The following ULK4 variants were observed in gnomAD, a reference collection of about 807,000 sequenced individuals.
ULK4 encodes inactive serine/threonine-protein kinase ULK4.
A neutral mutation model predicts 160.6 loss-of-function variants in ULK4; 133 were observed. The ratio of observed to expected loss-of-function variants is 0.83; its 90% CI spans 0.72 to 0.96. The LOEUF is 0.96. ULK4 is among the 40% of genes least tolerant of loss of function. The pLI is 0.00. For synonymous variants in ULK4, 534 were observed against 539.8 expected, an observed-to-expected ratio of 0.99 and a Z score of 0.15; for missense variants, 1,580 against 1,499.5, an observed-to-expected ratio of 1.05 and a Z score of -0.89.
chr3:41,823,594 A>C (rs2125634904), intron 18 of ULK4, among the ~76,000 whole-genome samples: 1 of 152,302 alleles, frequency 6.6e-6, no homozygotes, highest in South Asian at 2.1e-4. Context: ...TTAGGGTGTT[A>C]CTAGAGAGCC....
At chr3:41,923,911 T>C (rs1699287537) in intron 5 of ULK4, among the ~76,000 whole-genome samples, 1 of 152,132 alleles carries the variant, frequency 6.6e-6, no homozygotes, top group African/African-American at 2.4e-5. Flanking sequence ...CTAGGCCACA[T>C]TATTGATTTA....
intron 35 of ULK4, among the ~76,000 whole-genome samples, chr3:41,363,736 A>C (rs535841052): frequency 6.6e-5 from 10 of 152,342 alleles, no homozygotes; most frequent in African/African-American, 9.6e-5. Flanking sequence ...GGGCATGGGC[A>C]TGCATATATG....
At chr3:41,436,765 A>G (rs1248483966) in intron 34 of ULK4, among the ~76,000 whole-genome samples, 1 of 152,148 alleles carries the variant, frequency 6.6e-6, no homozygotes. Context: ...TGCTGGTGAC[A>G]ACAATCAAGG....
chr3:41,834,640 T>G (rs975519350), intron 18 of ULK4, among the ~76,000 whole-genome samples: 1 of 152,262 alleles, frequency 6.6e-6, no homozygotes, highest in African/African-American at 2.4e-5. Context: ...TTTATAACAA[T>G]CATGGTAACT....
At chr3:41,405,405 C>T (rs745429495) in intron 34 of ULK4, among the ~76,000 whole-genome samples, 4 of 152,172 alleles carry the variant, frequency 2.6e-5, no homozygotes, top group Admixed American at 1.3e-4. Context: ...GACTCCATGT[C>T]TCTGCTATTG....
chr3:41,898,645 G>A (rs150217766), intron 13 of ULK4, among the ~76,000 whole-genome samples, 153 bp from the exon 14 acceptor site: 248 of 152,088 alleles, frequency 1.6e-3, no homozygotes, highest in Admixed American at 3.0e-3. Context: ...ATGACTTTTC[G>A]GATTAAAACA....
At chr3:41,445,726 A>C (rs1429825690) in intron 34 of ULK4, among the ~76,000 whole-genome samples, 4 of 152,128 alleles carry the variant, frequency 2.6e-5, no homozygotes, top group African/African-American at 9.6e-5. Context: ...AATTAATTCA[A>C]GATGGATTAA....
intron 32 of ULK4, among the ~76,000 whole-genome samples, chr3:41,506,481 C>T (rs1001691887): frequency 6.6e-6 from 1 of 152,038 alleles, no homozygotes; most frequent in Non-Finnish European, 1.5e-5. Context: ...TTGAGCCACA[C>T]AGTAGAAGCT....
chr3:41,565,300 C>A (rs2087746950), intron 32 of ULK4, among the ~76,000 whole-genome samples: 1 of 152,204 alleles, frequency 6.6e-6, no homozygotes, highest in Admixed American at 6.5e-5. Flanking sequence ...ACTGTCAACT[C>A]ATCCAGTCTC....
intron 25 of ULK4, among the ~76,000 whole-genome samples, chr3:41,711,157 G>C (rs903027538): frequency 6.6e-6 from 1 of 152,222 alleles, no homozygotes; most frequent in African/African-American, 2.4e-5. Flanking sequence ...TGATGCAAGA[G>C]AGGCAAGGAG....
intron 31 of ULK4, among the ~76,000 whole-genome samples, chr3:41,568,989 G>A (rs1330221821): frequency 6.6e-6 from 1 of 152,130 alleles, no homozygotes; most frequent in Non-Finnish European, 1.5e-5. Context: ...ACAGAACTCA[G>A]GAAAACACGT....
chr3:41,816,422 C>T (rs538387131), intron 19 of ULK4, among the ~76,000 whole-genome samples: 1 of 152,280 alleles, frequency 6.6e-6, no homozygotes, highest in Non-Finnish European at 1.5e-5. Flanking sequence ...AAGTTTAAGA[C>T]TTCACAAGCA....
At chr3:41,770,605 G>C (rs1345058956) in intron 21 of ULK4, among the ~76,000 whole-genome samples, 1 of 150,742 alleles carries the variant, frequency 6.6e-6, no homozygotes, top group Non-Finnish European at 1.5e-5. Flanking sequence ...CAGTCTCCCA[G>C]GTTCAAGTGA....
chr3:41,908,185 C>T (rs1698647382), intron 11 of ULK4, among the ~76,000 whole-genome samples: 1 of 152,022 alleles, frequency 6.6e-6, no homozygotes, highest in South Asian at 2.1e-4. Flanking sequence ...AACCTTCAAG[C>T]ATTAATTTTT....
intron 31 of ULK4, among the ~76,000 whole-genome samples, chr3:41,593,485 A>C (rs2031490459): frequency 6.6e-6 from 1 of 152,322 alleles, no homozygotes; most frequent in African/African-American, 2.4e-5. Context: ...GAGTTATTTA[A>C]CCAAACCATG....
Position 41,911,402 on chromosome 3 carries a change from AAT to A in ULK4, c.1016-18_1016-17del. On this transcript the variant is annotated splice_polypyrimidine_tract_variant and intron_variant, in intron 10 of 36. Transcript: ENST00000301831. The stretch of plus-strand genomic sequence containing the variant: ...GTTGGATTTTCTGTAGCAGGAAAGT[AAT>A]ATGTTATCCAGAAAAGAACAAAAAT... 6 of 1,613,758 alleles carry A rather than the reference AAT, an allele frequency of 3.7e-6. No individual in the cohort carries two copies. Among genetic ancestry groups the A allele is most frequent in the East Asian group, 2.2e-5 (1 of 44,872 alleles).
At chr3:41,344,996 C>T (rs1183992745) in intron 35 of ULK4, among the ~76,000 whole-genome samples, 10 of 152,026 alleles carry the variant, frequency 6.6e-5, no homozygotes, top group Non-Finnish European at 1.5e-4. Context: ...TTCAAAAGAA[C>T]ACATACATGC....
rs534454342 is a variant in ULK4 at position 41,371,094 on chromosome 3, G to T, written c.3678+26985C>A. Reference sequence around the variant, plus strand: ...CCACTGTGGTCAGACTGCCTCTCTAGATTCCTCCACTCTGGGCAGGGCATC... The same window carrying T: ...CCACTGTGGTCAGACTGCCTCTCTATATTCCTCCACTCTGGGCAGGGCATC... On this transcript the variant is annotated intron_variant, in intron 35 of 36. Transcript: ENST00000301831. Among the ~76,000 whole-genome samples, 132 of 152,340 alleles carry T rather than the reference G, an allele frequency of 8.7e-4. 1 individual carries two copies. Among genetic ancestry groups the T allele is most frequent in the African/African-American group, 3.1e-3 (130 of 41,588 alleles).
rs557831610 is a variant in ULK4 at position 41,447,626 on chromosome 3, T to C, written c.3492+7871A>G. 2.6e-5 allele frequency among the ~76,000 whole-genome samples: 4 copies of C among 152,274 alleles called. No homozygotes were observed. The South Asian group carries it at 8.3e-4, about 32-fold the overall frequency. Reference sequence around the variant, plus strand: ...CTTTCCTGTTAGAAAAGGGTAATGATGCTGTGGCATCTATTTTGACTGCTC... The same window carrying C: ...CTTTCCTGTTAGAAAAGGGTAATGACGCTGTGGCATCTATTTTGACTGCTC... On this transcript the variant is annotated intron_variant, in intron 34 of 36. Transcript: ENST00000301831.
Sources: gnomAD v4.1 joint callset for allele counts (sites outside exome capture counted in the v4.1 genomes callset) on GRCh38, gnomAD v4.1.1 for gene constraint, MANE v1.5 for transcripts, NCBI Gene and HGNC (gene_info 2026-07-23, HGNC 2026-07-21) for gene names.